ITGA9: variants seen among roughly 807,000 people sequenced by gnomAD.
ITGA9 encodes the protein integrin subunit alpha 9.
Under a neutral mutation model 127.8 loss-of-function variants are expected in ITGA9, and 56 were observed. The ratio of observed to expected loss-of-function variants is 0.44; its 90% CI spans 0.35 to 0.55. The LOEUF (loss-of-function observed/expected upper bound fraction) is 0.55, where lower values mean the gene tolerates loss of function less well. ITGA9 is among the 20% of genes least tolerant of loss of function. ITGA9 has a pLI of 0.00. For missense variants in ITGA9, 1,196 were observed against 1,347.1 expected (o/e 0.89, Z 1.76); for synonymous variants, 508 against 514.5 (o/e 0.99, Z 0.17).
At chr3:37,503,131 C>T (rs1201083828) in intron 5 of ITGA9, 47 bp from the exon 6 acceptor site, 1 of 1,609,208 alleles carries the variant, frequency 6.2e-7, no homozygotes, top group South Asian at 1.1e-5. Flanking sequence ...TCCCCTCCTC[C>T]CCTCCTCACT....
intron 18 of ITGA9, among the ~76,000 whole-genome samples, chr3:37,712,845 G>C (rs1428126106): frequency 6.6e-6 from 1 of 152,136 alleles, no homozygotes; most frequent in Non-Finnish European, 1.5e-5. Flanking sequence ...AGTGGGGAGG[G>C]GATGGCTCCC....
At chr3:37,789,926 A>C (rs1190491484) in intron 26 of ITGA9, 11 of 709,912 alleles carry the variant, frequency 1.5e-5, no homozygotes, top group South Asian at 1.5e-4. Flanking sequence ...CTTCATTTTG[A>C]TTGTATTGCT....
chr3:37,458,802 T>C (rs1483959791), intron 1 of ITGA9, among the ~76,000 whole-genome samples: 1 of 152,232 alleles, frequency 6.6e-6, no homozygotes, highest in Non-Finnish European at 1.5e-5. Flanking sequence ...AACAGAATCC[T>C]GAGCAATCTT....
chr3:37,686,351 G>T (rs1038036789), intron 18 of ITGA9, among the ~76,000 whole-genome samples: 2 of 152,146 alleles, frequency 1.3e-5, no homozygotes, highest in Non-Finnish European at 2.9e-5. Context: ...AAGCCCTGGA[G>T]CATAAATCAC....
At chr3:37,618,234 C>A (rs529356708) in intron 15 of ITGA9, among the ~76,000 whole-genome samples, 3 of 152,336 alleles carry the variant, frequency 2.0e-5, no homozygotes, top group Non-Finnish European at 4.4e-5. Flanking sequence ...CCACTCCAGA[C>A]CCTGTTTGCC....
At chr3:37,545,080 TGA>T (rs1455228501) in intron 15 of ITGA9, among the ~76,000 whole-genome samples, 1 of 151,970 alleles carries the variant, frequency 6.6e-6, no homozygotes, top group African/African-American at 2.4e-5. Context: ...GAAGCAAGGA[TGA>T]GGGGAAGGGG....
At chr3:37,633,002 A>G (rs1700242100) in intron 16 of ITGA9, among the ~76,000 whole-genome samples, 1 of 152,230 alleles carries the variant, frequency 6.6e-6, no homozygotes, top group Non-Finnish European at 1.5e-5. Flanking sequence ...CAAAAATGAC[A>G]ACCAGAAGGA....
At chr3:37,549,131 C>G (rs574120769) in intron 15 of ITGA9, among the ~76,000 whole-genome samples, 2 of 152,284 alleles carry the variant, frequency 1.3e-5, no homozygotes, top group South Asian at 4.2e-4. Flanking sequence ...TCTGGGAGGC[C>G]ATGTTGTGCA....
chr3:37,738,402 G>A (rs1177239141), intron 20 of ITGA9, among the ~76,000 whole-genome samples: 9 of 152,192 alleles, frequency 5.9e-5, no homozygotes, highest in African/African-American at 1.9e-4. Flanking sequence ...CTGGGGATTC[G>A]TGCACCTTCT....
Position 37,803,527 on chromosome 3 carries a change from G to A in ITGA9, c.2890-296G>A, listed in dbSNP as rs370782986. ...TCAGCTGGCACTGTGGCTCGTGCCT[G>A]TAATCCCAAAACTTTGGGAGGCCGA... On this transcript the variant is annotated intron_variant, in intron 26 of 27. Coordinates refer to ENST00000264741, the MANE Select transcript of ITGA9 (RefSeq NM_002207.3). Among the ~76,000 whole-genome samples, 11 of 152,322 alleles carry A rather than the reference G, an allele frequency of 7.2e-5. No homozygotes were observed. In the East Asian group the frequency reaches 1.7e-3, roughly 24 times the overall value.
intron 3 of ITGA9, among the ~76,000 whole-genome samples, chr3:37,477,032 G>A (rs760028041): frequency 2.0e-5 from 3 of 152,280 alleles, no homozygotes; most frequent in Non-Finnish European, 4.4e-5. Context: ...ATGTTCCTTG[G>A]AAATGGCAGG....
intron 26 of ITGA9, among the ~76,000 whole-genome samples, chr3:37,797,600 A>C (rs998174901): frequency 6.6e-6 from 1 of 152,246 alleles, no homozygotes; most frequent in African/African-American, 2.4e-5. Context: ...TCAATTTAAA[A>C]AATAGTAAAA....
chr3:37,623,780 G>T (rs1700150054), intron 15 of ITGA9, among the ~76,000 whole-genome samples: 1 of 151,916 alleles, frequency 6.6e-6, no homozygotes, highest in Non-Finnish European at 1.5e-5. Context: ...TACTGGAAAT[G>T]CAAAATCCTG....
At chr3:37,747,193 A>G (rs1415579144) in intron 22 of ITGA9, among the ~76,000 whole-genome samples, 1 of 152,208 alleles carries the variant, frequency 6.6e-6, no homozygotes, top group African/African-American at 2.4e-5. Context: ...AATTATTTTA[A>G]TATGTTTACA....
At chr3:37,692,784 A>G (rs1700845861) in intron 18 of ITGA9, among the ~76,000 whole-genome samples, 1 of 152,230 alleles carries the variant, frequency 6.6e-6, no homozygotes, top group Non-Finnish European at 1.5e-5. Flanking sequence ...AATGCCCTCC[A>G]AAAACAATGG....
At chr3:37,777,564 G>A (rs745538141) in intron 24 of ITGA9, 47 bp downstream of exon 24, 10 of 1,599,076 alleles carry the variant, frequency 6.3e-6, no homozygotes, top group Middle Eastern at 1.8e-4. Flanking sequence ...GTCCTCACTC[G>A]GAAGACACCA....
chr3:37,639,286 GA>G (rs1261635356), intron 16 of ITGA9, among the ~76,000 whole-genome samples: 1 of 152,164 alleles, frequency 6.6e-6, no homozygotes, highest in Non-Finnish European at 1.5e-5. Flanking sequence ...AGACCTCGAT[GA>G]AAAAATAAAT....
At chr3:37,609,118 C>T (rs1212880709) in intron 15 of ITGA9, among the ~76,000 whole-genome samples, 4 of 152,178 alleles carry the variant, frequency 2.6e-5, no homozygotes, top group Non-Finnish European at 4.4e-5. Context: ...GCCTGTGAGA[C>T]GGGCCATGCT....
rs199946475 is a variant in ITGA9, at chr3:37,785,069, A to G, written c.2880A>G (p.Glu960=). ...RVVEIAHGNP[E]EVTVVFEALH... is the part of the protein sequence containing the mutation. ...TGGAAATAGCTCATGGGAACCCAGA[A>G]GAGGTGACGGTGAGTCAGCCACCCC... The change falls in exon 26 of 28, where the codon GAA becomes GAG. Residue 960 remains glutamate (E), a synonymous_variant. Transcript: ENST00000264741. 8.1e-6 allele frequency: 13 copies of G among 1,613,378 alleles called. No homozygotes were observed. In the Admixed American group the frequency reaches 1.7e-4, roughly 21 times the overall value.
Sources: allele counts gnomAD v4.1 joint callset (sites outside exome capture counted in the v4.1 genomes callset), GRCh38; gene constraint gnomAD v4.1.1; transcripts MANE v1.5; gene names NCBI Gene and HGNC (gene_info 2026-07-23, HGNC 2026-07-21).